AGPAT5: variants seen among roughly 807,000 people sequenced by gnomAD.
AGPAT5 encodes 1-acylglycerol-3-phosphate O-acyltransferase 5.
AGPAT5 carries 46 observed loss-of-function variants against 45.6 expected under a neutral mutation model. The ratio of observed to expected loss-of-function variants is 1.01; its 90% CI spans 0.80 to 1.29. AGPAT5 has a LOEUF of 1.29. Ranked by LOEUF, AGPAT5 falls within the 50% of genes most tolerant of loss-of-function variation. The probability of loss-of-function intolerance (pLI) is 0.00; values close to 1 mark genes in which losing one functional copy is unlikely to be tolerated. For missense variants in AGPAT5, 673 were observed against 450.7 expected (o/e 1.49, Z -4.47); for synonymous variants, 272 against 167.0 (o/e 1.63, Z -4.85).
At chr8:6,732,820 C>G (rs1563293053) in intron 4 of AGPAT5, among the ~76,000 whole-genome samples, 170 bp downstream of exon 4, 1 of 152,190 alleles carries the variant, frequency 6.6e-6, no homozygotes, top group Non-Finnish European at 1.5e-5. Flanking sequence ...GCAGGTTTTT[C>G]AGCCATCAGA....
intron 3 of AGPAT5, among the ~76,000 whole-genome samples, 163 bp from the exon 4 acceptor site, chr8:6,732,398 A>G (rs534375111): frequency 9.2e-5 from 14 of 152,356 alleles, no homozygotes; most frequent in South Asian, 8.3e-4. Context: ...ATTTTCAGCT[A>G]AATGTTCTTT....
In AGPAT5 at chr8:6,761,472, TCAG is replaced by T. The variant is rs763357549; in HGVS notation, c.*4087_*4089del. Among the ~76,000 whole-genome samples, 2 of 152,258 alleles carry T rather than the reference TCAG, an allele frequency of 1.3e-5. No individual in the cohort carries two copies. The highest frequency in any genetic ancestry group is 2.9e-5 in the Non-Finnish European group (2 of 68,042). ...TTGAGATTATTGGTGCCTCATTAAT[TCAG>T]CAATAAAGGAAAATATGCATCTCAA... On this transcript the variant is annotated 3_prime_UTR_variant, in exon 8 of 8. Transcript: ENST00000285518.
In AGPAT5 at chr8:6,747,733, G is replaced by A; in HGVS notation, c.650G>A (p.Cys217Tyr). The A allele has an allele frequency of 1.9e-6, 3 of 1,614,196 alleles. No homozygotes were observed. The highest frequency in any genetic ancestry group is 2.2e-5 in the South Asian group (2 of 91,084). ...AAGGCAACTCACGTTGCTTTTGATT[G>A]CATGAAGAATTATTTAGATGCAATT... is the stretch of plus-strand genomic sequence containing the variant. ...RIKATHVAFD[C>Y]MKNYLDAIYD... is the part of the protein sequence containing the mutation. The change falls in exon 6 of 8, where the codon TGC (cysteine) becomes TAC (tyrosine). Residue 217 changes from cysteine to tyrosine, a missense_variant. By Grantham distance (194) the Cys-to-Tyr change is radical. Coordinates refer to ENST00000285518, the MANE Select transcript of AGPAT5 (RefSeq NM_018361.5).
rs1802023216 is a variant in AGPAT5, at chr8:6,761,011, A to G, written c.*3623A>G. On this transcript the variant is annotated 3_prime_UTR_variant, in exon 8 of 8. Coordinates refer to ENST00000285518, the MANE Select transcript of AGPAT5 (RefSeq NM_018361.5). ...ATTTGACATCTTTTCCAATTTGTGT[A>G]TGAAAAGTAAATCTATTCCTGTAGC... is the stretch of plus-strand genomic sequence containing the variant. 6.6e-6 allele frequency among the ~76,000 whole-genome samples: 1 copy of G among 152,196 alleles called. No homozygotes were observed. The highest frequency in any genetic ancestry group is 1.5e-5 in the Non-Finnish European group (1 of 68,020).
intron 6 of AGPAT5, among the ~76,000 whole-genome samples, chr8:6,752,323 A>G (rs764203167): frequency 3.4e-4 from 52 of 152,178 alleles, no homozygotes; most frequent in Non-Finnish European, 6.5e-4. Context: ...TCTTTTTTAT[A>G]ATGTCTATAT....
Position 6,760,325 on chromosome 8 carries a change from G to A in AGPAT5, c.*2937G>A, listed in dbSNP as rs924307771. Among the ~76,000 whole-genome samples, 2 of 152,144 alleles carry A rather than the reference G, an allele frequency of 1.3e-5. No individual in the cohort carries two copies. Among genetic ancestry groups the A allele is most frequent in the African/African-American group, 4.8e-5 (2 of 41,420 alleles). On this transcript the variant is annotated 3_prime_UTR_variant, in exon 8 of 8. Transcript: ENST00000285518. ...AGGTGGGAGGATCGCTTCAGCCCAG[G>A]AGGTTGAGATTGCAGTGAGCCATGG...
At chr8:6,731,976 T>G (rs1311462500) in intron 3 of AGPAT5, among the ~76,000 whole-genome samples, 4 of 152,230 alleles carry the variant, frequency 2.6e-5, no homozygotes, top group Admixed American at 1.3e-4. Flanking sequence ...GACTAATCCT[T>G]CTACAGAGAC....
intron 5 of AGPAT5, among the ~76,000 whole-genome samples, chr8:6,746,882 T>C (rs7012528): frequency 0.48 from 73,397 of 151,940 alleles, 17,892 homozygotes; most frequent in East Asian, 0.67. Context: ...AAAAGGGAGG[T>C]AATAGGAAGG....
chr8:6,722,494 C>A (rs1353412136), intron 1 of AGPAT5, among the ~76,000 whole-genome samples: 3 of 152,102 alleles, frequency 2.0e-5, no homozygotes, highest in African/African-American at 7.2e-5. Context: ...ACAAAGAATG[C>A]TGTATATTTA....
chr8:6,743,538 A>G (rs911492541), intron 5 of AGPAT5, among the ~76,000 whole-genome samples: 2 of 152,226 alleles, frequency 1.3e-5, no homozygotes, highest in Admixed American at 6.5e-5. Flanking sequence ...TAGCAGTTGC[A>G]TACCTCTTAT....
rs1335849817 is a variant in AGPAT5 at position 6,760,541 on chromosome 8, T to C, written c.*3153T>C. ...TTTTGTGTGTATAATTGCAAGCGCA[T>C]AGTAAAATAATTTTAACCTTAATTT... On this transcript the variant is annotated 3_prime_UTR_variant, in exon 8 of 8. Transcript: ENST00000285518. Among the ~76,000 whole-genome samples the C allele has an allele frequency of 1.3e-5, 2 of 152,258 alleles. No individual in the cohort carries two copies. Among genetic ancestry groups the C allele is most frequent in the Non-Finnish European group, 2.9e-5 (2 of 68,040 alleles).
chr8:6,761,262 C>A lies in AGPAT5; in HGVS notation c.*3874C>A, dbSNP rs1266264694. On this transcript the variant is annotated 3_prime_UTR_variant, in exon 8 of 8. Coordinates refer to ENST00000285518, the MANE Select transcript of AGPAT5 (RefSeq NM_018361.5). ...GATGAAACAGATCAGTTTTTCCATCCGGATTATTATTGGTTCATGATTTTA... is the reference window on the plus strand; with the variant it reads ...GATGAAACAGATCAGTTTTTCCATCAGGATTATTATTGGTTCATGATTTTA... Among the ~76,000 whole-genome samples the A allele has an allele frequency of 6.6e-6, 1 of 151,976 alleles. No individual in the cohort carries two copies. The highest frequency in any genetic ancestry group is 2.1e-4 in the South Asian group (1 of 4,822).
At chr8:6,735,284 G>C (rs1025557737) in intron 4 of AGPAT5, among the ~76,000 whole-genome samples, 7 of 152,132 alleles carry the variant, frequency 4.6e-5, no homozygotes, top group African/African-American at 1.7e-4. Flanking sequence ...AAGGATGTGG[G>C]CTGGGCCCTG....
chr8:6,735,526 T>A (rs146458032), intron 4 of AGPAT5, among the ~76,000 whole-genome samples: 131 of 152,374 alleles, frequency 8.6e-4, no homozygotes, highest in Non-Finnish European at 1.6e-3. Context: ...TTCTTTTTAC[T>A]GGTATCTGTT....
At chr8:6,723,238 G>T (rs1459448963) in intron 1 of AGPAT5, among the ~76,000 whole-genome samples, 40 of 152,324 alleles carry the variant, frequency 2.6e-4, no homozygotes, top group Non-Finnish European at 1.5e-5. Context: ...AAACTGATCA[G>T]GCCATTGAGG....
chr8:6,760,849 T>C lies in AGPAT5; in HGVS notation c.*3461T>C, dbSNP rs1222766206. On this transcript the variant is annotated 3_prime_UTR_variant, in exon 8 of 8. Coordinates refer to ENST00000285518, the MANE Select transcript of AGPAT5 (RefSeq NM_018361.5). ...AAATTAGTACTTTGGTCAAAATATT[T>C]ACAACATTCACATACTTGTCAAATA... Among the ~76,000 whole-genome samples the C allele has an allele frequency of 1.3e-5, 2 of 152,346 alleles. No homozygotes were observed. The highest frequency in any genetic ancestry group is 3.9e-4 in the East Asian group (2 of 5,192).
intron 4 of AGPAT5, among the ~76,000 whole-genome samples, chr8:6,734,266 T>A (rs200383928): frequency 1.5e-3 from 232 of 152,172 alleles, no homozygotes; most frequent in African/African-American, 4.9e-3. Context: ...GGTTTTTTTT[T>A]TAATTTTTTT....
rs1010731693 is a variant in AGPAT5 at position 6,754,956 on chromosome 8, CT to C, written c.746-88del. On this transcript the variant is annotated intron_variant, in intron 6 of 7. Transcript: ENST00000285518. ...TCTGTACTTTTTCTTCATTTTACAA[CT>C]TTTTTTGTCCTGTTACCTTATTTTC... 4.9e-5 allele frequency: 51 copies of C among 1,033,704 alleles called. No individual in the cohort carries two copies. The African/African-American group carries it at 6.3e-4, about 13-fold the overall frequency. The allele number at this position is 1,033,704 out of a possible 1,614,324, so 64.0% of individuals were successfully genotyped here.
chr8:6,730,253 A>C (rs1800816593), intron 2 of AGPAT5, among the ~76,000 whole-genome samples: 1 of 151,644 alleles, frequency 6.6e-6, no homozygotes. Context: ...CAAAAAACAG[A>C]AAATGTATAT....
Sources: allele counts gnomAD v4.1 joint callset (sites outside exome capture counted in the v4.1 genomes callset), GRCh38; gene constraint gnomAD v4.1.1; transcripts MANE v1.5; gene names NCBI Gene and HGNC (gene_info 2026-07-23, HGNC 2026-07-21).